SHLD2: variants seen among roughly 807,000 people sequenced by gnomAD.
SHLD2 encodes shieldin complex subunit 2, also known as RINN1-REV7-interacting novel NHEJ regulator 2.
Under a neutral mutation model 73.2 loss-of-function variants are expected in SHLD2, and 30 were observed. That is an observed-to-expected ratio of 0.41 (90% CI 0.31 to 0.56). The LOEUF (loss-of-function observed/expected upper bound fraction) is 0.56, where lower values mean the gene tolerates loss of function less well. SHLD2 is among the 20% of genes least tolerant of loss of function. SHLD2 has a pLI of 0.28. For synonymous variants in SHLD2, 285 were observed against 370.1 expected (o/e 0.77, Z 2.64); for missense variants, 745 against 1,055.9 (o/e 0.71, Z 4.08).
intron 2 of SHLD2, among the ~76,000 whole-genome samples, chr10:87,121,262 G>A (rs1468302289): frequency 6.6e-6 from 1 of 151,882 alleles, no homozygotes; most frequent in Non-Finnish European, 1.5e-5. Flanking sequence ...GTAGCTGGGA[G>A]TAGAGGTGTG....
intron 2 of SHLD2, among the ~76,000 whole-genome samples, chr10:87,126,433 CT>C (rs1159725408): frequency 6.6e-6 from 1 of 151,858 alleles, no homozygotes; most frequent in African/African-American, 2.4e-5. Context: ...GTCTTAATGA[CT>C]TTTTTGATTT....
chr10:87,132,945 T>G (rs1844536357), intron 2 of SHLD2, among the ~76,000 whole-genome samples: 1 of 152,226 alleles, frequency 6.6e-6, no homozygotes. Flanking sequence ...TTAATCTTAT[T>G]CATTGTTGTG....
chr10:87,180,634 A>C (rs1169167784), intron 8 of SHLD2, among the ~76,000 whole-genome samples: 2 of 152,248 alleles, frequency 1.3e-5, no homozygotes, highest in Non-Finnish European at 2.9e-5. Flanking sequence ...CATAGAATTT[A>C]AGGGCTAAAA....
chr10:87,102,927 T>C (rs1316012106), intron 2 of SHLD2, among the ~76,000 whole-genome samples: 3 of 151,530 alleles, frequency 2.0e-5, no homozygotes, highest in Non-Finnish European at 2.9e-5. Context: ...GTACTAAAAA[T>C]CTGGCTGGGC....
chr10:87,107,852 CT>C (rs891401874), intron 2 of SHLD2, among the ~76,000 whole-genome samples: 13 of 148,242 alleles, frequency 8.8e-5, no homozygotes, highest in East Asian at 2.0e-4. Flanking sequence ...TTCTTTCTTT[CT>C]TTTTTTTTTA....
intron 2 of SHLD2, among the ~76,000 whole-genome samples, chr10:87,107,107 A>AAAAAAAG (rs56386341): frequency 0.034 from 4,916 of 146,390 alleles, 152 homozygotes; most frequent in African/African-American, 0.054. Flanking sequence ...AAAAAAAAAA[A>AAAAAAAG]AGAGATTTAA....
chr10:87,147,904 C>T (rs1359273346), intron 2 of SHLD2, among the ~76,000 whole-genome samples: 4 of 151,248 alleles, frequency 2.6e-5, no homozygotes, highest in Non-Finnish European at 5.9e-5. Context: ...GTCACCCAGA[C>T]TGGAGTGCAG....
chr10:87,175,457 G>C (rs1441892673), intron 6 of SHLD2, among the ~76,000 whole-genome samples: 1 of 151,726 alleles, frequency 6.6e-6, no homozygotes, highest in Non-Finnish European at 1.5e-5. Context: ...AGGCCGAGGT[G>C]GGCGGATCAT....
At chr10:87,112,951 TG>T (rs1398438986) in intron 2 of SHLD2, among the ~76,000 whole-genome samples, 1 of 152,142 alleles carries the variant, frequency 6.6e-6, no homozygotes, top group Non-Finnish European at 1.5e-5. Context: ...TACTTGTACA[TG>T]AGTGTTAATA....
chr10:87,129,173 C>T, intron 2 of SHLD2, among the ~76,000 whole-genome samples: 1 of 152,198 alleles, frequency 6.6e-6, no homozygotes, highest in Non-Finnish European at 1.5e-5. Context: ...TCACTGCAAC[C>T]TCCGCCTACT....
intron 3 of SHLD2, among the ~76,000 whole-genome samples, chr10:87,157,346 C>T (rs1240493695): frequency 6.6e-6 from 1 of 152,164 alleles, no homozygotes; most frequent in Non-Finnish European, 1.5e-5. Flanking sequence ...TATGTTTATA[C>T]CTCTGACACT....
At chr10:87,115,721 G>T (rs1180046176) in intron 2 of SHLD2, among the ~76,000 whole-genome samples, 1 of 152,170 alleles carries the variant, frequency 6.6e-6, no homozygotes, top group Non-Finnish European at 1.5e-5. Flanking sequence ...AGGATGAAAG[G>T]TCAAGAATTC....
chr10:87,137,808 G>T (rs1243301369), intron 2 of SHLD2, among the ~76,000 whole-genome samples: 1 of 152,104 alleles, frequency 6.6e-6, no homozygotes, highest in Non-Finnish European at 1.5e-5. Flanking sequence ...GAAAATTGAA[G>T]ATGGAAGAGA....
At chr10:87,117,178 G>C (rs1015871111) in intron 2 of SHLD2, among the ~76,000 whole-genome samples, 1 of 152,206 alleles carries the variant, frequency 6.6e-6, no homozygotes, top group Non-Finnish European at 1.5e-5. Context: ...CCAGCACTTT[G>C]GGAGGCCGAG....
intron 8 of SHLD2, among the ~76,000 whole-genome samples, chr10:87,186,521 T>G (rs920137243): frequency 6.6e-6 from 1 of 152,234 alleles, no homozygotes; most frequent in Non-Finnish European, 1.5e-5. Flanking sequence ...CACATGTGTA[T>G]CCCTTTCTTT....
intron 4 of SHLD2, among the ~76,000 whole-genome samples, chr10:87,162,869 T>G (rs1846920294): frequency 6.6e-6 from 1 of 152,188 alleles, no homozygotes; most frequent in Non-Finnish European, 1.5e-5. Flanking sequence ...CTTAATACAT[T>G]GGTGGTAGGA....
intron 2 of SHLD2, chr10:87,114,572 A>T (rs891244364): frequency 5.3e-5 from 8 of 152,178 alleles, no homozygotes; most frequent in African/African-American, 1.7e-4. Flanking sequence ...TAAAAATACA[A>T]AGATTAGCCA....
chr10:87,131,629 T>G (rs1844434378), intron 2 of SHLD2, among the ~76,000 whole-genome samples: 1 of 152,186 alleles, frequency 6.6e-6, no homozygotes. Context: ...ACTTTTGGGT[T>G]GTTTCTGCTT....
chr10:87,133,377 CCTT>C (rs1200524687), intron 2 of SHLD2, among the ~76,000 whole-genome samples: 1 of 151,934 alleles, frequency 6.6e-6, no homozygotes, highest in Non-Finnish European at 1.5e-5. Flanking sequence ...CTAAATTTTT[CCTT>C]CTTACTTATT....
Sources: allele counts gnomAD v4.1 joint callset (sites outside exome capture counted in the v4.1 genomes callset), GRCh38; gene constraint gnomAD v4.1.1; transcripts MANE v1.5; gene names NCBI Gene and HGNC (gene_info 2026-07-23, HGNC 2026-07-21).